AGBL4: variants seen among roughly 807,000 people sequenced by gnomAD.
AGBL4 encodes the protein AGBL carboxypeptidase 4, also known as cytosolic carboxypeptidase 6.
Under a neutral mutation model 66.4 loss-of-function variants are expected in AGBL4, and 58 were observed. That is an observed-to-expected ratio of 0.87 (90% confidence interval 0.71 to 1.09). AGBL4 has a LOEUF of 1.09. AGBL4 is among the 50% of genes least tolerant of loss of function. AGBL4 has a pLI of 0.00. For synonymous variants in AGBL4, 234 were observed against 222.9 expected (o/e 1.05, Z -0.44); for missense variants, 579 against 631.0 (o/e 0.92, Z 0.88).
chr1:49,778,200 G>T (rs1298950128), intron 2 of AGBL4, among the ~76,000 whole-genome samples: 1 of 152,112 alleles, frequency 6.6e-6, no homozygotes, highest in East Asian at 1.9e-4. Flanking sequence ...TCTTGCCCCA[G>T]CTACCTTATA....
At chr1:49,519,754 A>G (rs950534670) in intron 3 of AGBL4, among the ~76,000 whole-genome samples, 1 of 152,094 alleles carries the variant, frequency 6.6e-6, no homozygotes, top group Non-Finnish European at 1.5e-5. Context: ...CAGATAAACA[A>G]AAGAAATTTA....
At chr1:48,616,351 C>T (rs320027) in intron 9 of AGBL4, among the ~76,000 whole-genome samples, 29,018 of 152,060 alleles carry the variant, frequency 0.19, 3,384 homozygotes, top group African/African-American at 0.32. Flanking sequence ...TATAACCTCT[C>T]CATTGAACAA....
At chr1:49,598,718 G>A (rs182205225) in intron 3 of AGBL4, among the ~76,000 whole-genome samples, 4,665 of 152,210 alleles carry the variant, frequency 0.031, 108 homozygotes, top group Non-Finnish European at 0.043. Flanking sequence ...CTCCAGCTGC[G>A]TGCTGGGAGA....
chr1:49,124,175 A>G (rs657452), intron 4 of AGBL4, among the ~76,000 whole-genome samples: 81,659 of 151,948 alleles, frequency 0.54, 22,507 homozygotes, highest in Non-Finnish European at 0.6. Context: ...AACAAAATAC[A>G]TATATAAATA....
intron 3 of AGBL4, among the ~76,000 whole-genome samples, chr1:49,567,476 T>C (rs1644236116): frequency 6.6e-6 from 1 of 152,240 alleles, no homozygotes; most frequent in South Asian, 2.1e-4. Flanking sequence ...TGAACAGTGA[T>C]AATTAAGGGT....
Position 48,714,357 on chromosome 1 carries a change from T to C in AGBL4, c.635-51116A>G, listed in dbSNP as rs566411660. Among the ~76,000 whole-genome samples, 10 of 152,294 alleles carry C rather than the reference T, an allele frequency of 6.6e-5. No individual in the cohort carries two copies. The East Asian group carries it at 1.9e-3, about 29-fold the overall frequency. On this transcript the variant is annotated intron_variant, in intron 6 of 13. Transcript: ENST00000371839. ...TTCAGTCCCCTCCCAGCCAATGATA[T>C]CACTGTCCACCCACTCAGCCAAGCC... is the stretch of plus-strand genomic sequence containing the variant.
chr1:48,751,049 T>A lies in AGBL4; in HGVS notation c.635-87808A>T, dbSNP rs149251967. ...ATGATATAGCATTCATGAAATCCTA[T>A]ATATTCTGATTCCACATGGCATAGA... On this transcript the variant is annotated intron_variant, in intron 6 of 13. Coordinates refer to ENST00000371839, the MANE Select transcript of AGBL4 (RefSeq NM_032785.4). Among the ~76,000 whole-genome samples the A allele has an allele frequency of 5.3e-5, 8 of 152,280 alleles. No individual in the cohort carries two copies. The East Asian group carries it at 1.5e-3, about 29-fold the overall frequency.
In AGBL4 at chr1:49,573,515, A is replaced by T. The variant is rs1458780325; in HGVS notation, c.282+123798T>A. 2.6e-5 allele frequency among the ~76,000 whole-genome samples: 4 copies of T among 152,330 alleles called. No individual in the cohort carries two copies. In the East Asian group the frequency reaches 7.7e-4, roughly 29 times the overall value. On this transcript the variant is annotated intron_variant, in intron 3 of 13. Transcript: ENST00000371839. ...GACCATATGTGGAGAACCAAGGAAC[A>T]TAATGATGCTGGTTGGTTGCTCCTA...
chr1:49,972,428 T>C (rs1468171732), intron 1 of AGBL4, among the ~76,000 whole-genome samples: 1 of 152,168 alleles, frequency 6.6e-6, no homozygotes, highest in Non-Finnish European at 1.5e-5. Flanking sequence ...TGGTATTTGA[T>C]ATTTTGTTTT....
At chr1:49,405,581 C>T (rs1031187800) in intron 3 of AGBL4, among the ~76,000 whole-genome samples, 2 of 152,176 alleles carry the variant, frequency 1.3e-5, no homozygotes, top group Non-Finnish European at 2.9e-5. Context: ...GCCGTTCCCT[C>T]CAGCTTCCTA....
intron 4 of AGBL4, among the ~76,000 whole-genome samples, chr1:49,068,822 G>C (rs898152325): frequency 5.9e-5 from 9 of 152,170 alleles, no homozygotes; most frequent in African/African-American, 9.7e-5. Flanking sequence ...TTCCACAATG[G>C]TTGAATGAAT....
At chr1:49,260,310 A>C (rs925272570) in intron 3 of AGBL4, among the ~76,000 whole-genome samples, 1 of 150,902 alleles carries the variant, frequency 6.6e-6, no homozygotes, top group East Asian at 2.0e-4. Flanking sequence ...CTAAAATCAG[A>C]GCAGAACTGA....
intron 11 of AGBL4, among the ~76,000 whole-genome samples, chr1:48,547,435 T>A (rs1339083584): frequency 6.6e-6 from 1 of 152,044 alleles, no homozygotes; most frequent in African/African-American, 2.4e-5. Context: ...GGATGACTCC[T>A]TCATCTTTGG....
intron 3 of AGBL4, among the ~76,000 whole-genome samples, chr1:49,375,750 A>C (rs1482176828): frequency 2.0e-5 from 3 of 152,132 alleles, no homozygotes; most frequent in Admixed American, 6.6e-5. Flanking sequence ...AGGTAGCTTC[A>C]AGGCCAGTTC....
chr1:48,586,762 C>T (rs1644827038), intron 11 of AGBL4: 3 of 483,530 alleles, frequency 6.2e-6, no homozygotes, highest in Admixed American at 3.4e-5. Context: ...AAGATATGGG[C>T]AGGCCATGGG....
At chr1:48,837,027 T>C (rs1191789245) in intron 6 of AGBL4, among the ~76,000 whole-genome samples, 1 of 148,098 alleles carries the variant, frequency 6.8e-6, no homozygotes, top group African/African-American at 2.4e-5. Flanking sequence ...TTATATAACA[T>C]AAGTAATATG....
chr1:48,706,458 C>A (rs1646881621), intron 6 of AGBL4, among the ~76,000 whole-genome samples: 1 of 151,796 alleles, frequency 6.6e-6, no homozygotes, highest in Non-Finnish European at 1.5e-5. Context: ...CAGCTAACTG[C>A]CACATGGAAA....
intron 11 of AGBL4, among the ~76,000 whole-genome samples, chr1:48,559,725 C>T (rs964163230): frequency 2.0e-5 from 3 of 152,106 alleles, no homozygotes; most frequent in Non-Finnish European, 4.4e-5. Context: ...TCCAGCCTAA[C>T]CAATTTGATT....
chr1:48,907,903 AG>A (rs1169588998), intron 5 of AGBL4, among the ~76,000 whole-genome samples: 1 of 152,180 alleles, frequency 6.6e-6, no homozygotes, highest in Non-Finnish European at 1.5e-5. Context: ...TGCCAGGCCA[AG>A]AAAAGGAGGG....
Sources: gnomAD v4.1 joint callset for allele counts (sites outside exome capture counted in the v4.1 genomes callset) on GRCh38, gnomAD v4.1.1 for gene constraint, MANE v1.5 for transcripts, NCBI Gene and HGNC (gene_info 2026-07-23, HGNC 2026-07-21) for gene names.